Variants in SLC2A14 observed in about 807,000 individuals in gnomAD.
SLC2A14 encodes the protein solute carrier family 2, facilitated glucose transporter member 14.
Under a neutral mutation model 43.0 loss-of-function variants are expected in SLC2A14, and 13 were observed. That is an observed-to-expected ratio of 0.30 (90% CI 0.20 to 0.48). SLC2A14 has a LOEUF of 0.48. Ranked by LOEUF, SLC2A14 falls within the 20% of genes least tolerant of loss-of-function variation. SLC2A14 has a pLI of 0.99. For synonymous variants in SLC2A14, 190 were observed against 233.8 expected (o/e 0.81, Z 1.71); for missense variants, 428 against 620.4 (o/e 0.69, Z 3.29).
At chr12:7,865,351 C>T (rs1298247466) in intron 2 of SLC2A14, among the ~76,000 whole-genome samples, 2 of 152,020 alleles carry the variant, frequency 1.3e-5, no homozygotes, top group East Asian at 1.9e-4. Context: ...TCCTGGCTAA[C>T]ATGGTGGAAC....
chr12:7,831,506 T>G, intron 4 of SLC2A14, 98 bp downstream of exon 4: 1 of 1,533,328 alleles, frequency 6.5e-7, no homozygotes. Context: ...CAAGGTGTTC[T>G]TATTCAAAGG....
intron 8 of SLC2A14, among the ~76,000 whole-genome samples, chr12:7,820,923 C>T (rs1399522212): frequency 6.6e-6 from 1 of 151,900 alleles, no homozygotes; most frequent in Non-Finnish European, 1.5e-5. Flanking sequence ...CCCGTCTCTA[C>T]TAAAAATACA....
intron 2 of SLC2A14, among the ~76,000 whole-genome samples, chr12:7,869,515 G>A (rs1055660511): frequency 2.0e-5 from 3 of 152,182 alleles, no homozygotes; most frequent in Admixed American, 6.5e-5. Context: ...CTCTTCACGC[G>A]TATATAGCCA....
intron 10 of SLC2A14, among the ~76,000 whole-genome samples, chr12:7,816,713 T>C (rs1863487249): frequency 6.6e-6 from 1 of 151,826 alleles, no homozygotes; most frequent in South Asian, 2.1e-4. Flanking sequence ...GTAAATTGTT[T>C]TGTTTTGTTT....
chr12:7,873,729 G>T (rs1223118404), upstream of SLC2A14, among the ~76,000 whole-genome samples: 3 of 152,032 alleles, frequency 2.0e-5, no homozygotes, highest in Non-Finnish European at 2.9e-5. Context: ...AAGCCCCGCG[G>T]TCGTTCTCTC....
upstream of SLC2A14, among the ~76,000 whole-genome samples, chr12:7,877,769 T>C (rs73258942): frequency 7.1e-3 from 1,080 of 152,130 alleles, 8 homozygotes; most frequent in African/African-American, 0.025. Context: ...TTTATTTATT[T>C]ATTTAGAGAT....
intron 10 of SLC2A14, among the ~76,000 whole-genome samples, chr12:7,815,787 G>A (rs1005070490): frequency 6.6e-6 from 1 of 152,076 alleles, no homozygotes; most frequent in Non-Finnish European, 1.5e-5. Context: ...TGTTGGTCAG[G>A]CTGGTCTTGC....
chr12:7,842,824 G>T (rs916776979), intron 2 of SLC2A14, among the ~76,000 whole-genome samples: 2 of 151,312 alleles, frequency 1.3e-5, no homozygotes, highest in Admixed American at 6.6e-5. Flanking sequence ...CGCCTCCCGC[G>T]TTCAAGTGAT....
At chr12:7,847,452 T>C (rs772925136) in intron 2 of SLC2A14, among the ~76,000 whole-genome samples, 1 of 152,134 alleles carries the variant, frequency 6.6e-6, no homozygotes, top group Non-Finnish European at 1.5e-5. Context: ...GAATAGTTCA[T>C]CTGAATCACA....
chr12:7,878,793 A>G (rs1184132532), intron 1 of SLC2A14, among the ~76,000 whole-genome samples: 1 of 151,478 alleles, frequency 6.6e-6, no homozygotes, highest in Non-Finnish European at 1.5e-5. Context: ...CCTGGCCAAC[A>G]TGGTGAAACC....
rs562782436 is a variant in SLC2A14, at chr12:7,827,252, C to T, written c.864+243G>A. On this transcript the variant is annotated intron_variant, in intron 7 of 10. Coordinates refer to ENST00000431042, the MANE Select transcript of SLC2A14 (RefSeq NM_001286234.2). ...CAGCCTCCTGAGTAGCGCACCACCA[C>T]GTCCAGCTAATTTTTGTCTTTTTTT... is the stretch of plus-strand genomic sequence containing the variant. Among the ~76,000 whole-genome samples, 278 of 147,892 alleles carry T rather than the reference C, an allele frequency of 1.9e-3. 1 individual carries two copies. Among genetic ancestry groups the T allele is most frequent in the African/African-American group, 5.6e-3 (225 of 40,406 alleles).
At chr12:7,821,084 C>T in intron 8 of SLC2A14, 137 bp downstream of exon 8, 1 of 611,562 alleles carries the variant, frequency 1.6e-6, no homozygotes, top group South Asian at 2.3e-5. Flanking sequence ...AAGACTCTGT[C>T]TCAAAAAATT....
intron 1 of SLC2A14, among the ~76,000 whole-genome samples, chr12:7,885,990 C>CTT (rs760693676): frequency 1.4e-5 from 2 of 143,998 alleles, no homozygotes; most frequent in African/African-American, 2.5e-5. Flanking sequence ...TTCTTTCCTT[C>CTT]TTTTTTTTTT....
chr12:7,858,603 G>A (rs765219124), intron 2 of SLC2A14, among the ~76,000 whole-genome samples: 1 of 152,044 alleles, frequency 6.6e-6, no homozygotes, highest in Non-Finnish European at 1.5e-5. Flanking sequence ...GGGTTCAAGC[G>A]ATTCTCCTGC....
chr12:7,889,280 C>A (rs760421081), intron 1 of SLC2A14, among the ~76,000 whole-genome samples: 1 of 136,912 alleles, frequency 7.3e-6, no homozygotes, highest in South Asian at 2.3e-4. Flanking sequence ...GTTGTCTAGG[C>A]TGGGGTGCAA....
At chr12:7,885,990 CT>C (rs760693676) in intron 1 of SLC2A14, among the ~76,000 whole-genome samples, 181 of 143,778 alleles carry the variant, frequency 1.3e-3, no homozygotes, top group East Asian at 3.0e-3. Context: ...TTCTTTCCTT[CT>C]TTTTTTTTTT....
rs754902998 is a variant in SLC2A14 at position 7,847,200 on chromosome 12, C to G, written c.19-14386G>C. Among the ~76,000 whole-genome samples, 4 of 151,902 alleles carry G rather than the reference C, an allele frequency of 2.6e-5. No homozygotes were observed. The East Asian group carries it at 5.9e-4, about 23-fold the overall frequency. On this transcript the variant is annotated intron_variant, in intron 2 of 10. Coordinates refer to ENST00000431042, the MANE Select transcript of SLC2A14 (RefSeq NM_001286234.2). The stretch of plus-strand genomic sequence containing the variant: ...CTGGGAGGCAGAGGTTGCAGTGACC[C>G]AAGATTGTGCCATTGCACTCCAGCC...
chr12:7,840,833 C>G (rs1202957434), intron 2 of SLC2A14, among the ~76,000 whole-genome samples: 2 of 152,128 alleles, frequency 1.3e-5, no homozygotes, highest in Non-Finnish European at 2.9e-5. Flanking sequence ...AAAAAGGAGT[C>G]AAGAATGATC....
intron 2 of SLC2A14, among the ~76,000 whole-genome samples, chr12:7,851,313 C>T (rs1302145466): frequency 6.6e-6 from 1 of 152,134 alleles, no homozygotes; most frequent in Non-Finnish European, 1.5e-5. Context: ...CAAATACTTC[C>T]TGACCAATGC....
Sources: allele counts gnomAD v4.1 joint callset (sites outside exome capture counted in the v4.1 genomes callset), GRCh38; gene constraint gnomAD v4.1.1; transcripts MANE v1.5; gene names NCBI Gene and HGNC (gene_info 2026-07-23, HGNC 2026-07-21).